Variants in PCCB observed in about 807,000 individuals in gnomAD.
The protein encoded by PCCB is propionyl-CoA carboxylase subunit beta.
Under a neutral mutation model 60.7 loss-of-function variants are expected in PCCB, and 43 were observed. The observed-to-expected ratio is 0.71, with a 90% CI of 0.55 to 0.91. PCCB has a LOEUF of 0.91. Ranked by LOEUF, PCCB falls within the 40% of genes least tolerant of loss-of-function variation. The pLI, the probability that PCCB is intolerant of heterozygous loss-of-function variation, is 0.00. For synonymous variants in PCCB, 276 were observed against 255.9 expected (o/e 1.08, Z -0.75); for missense variants, 766 against 702.8 (o/e 1.09, Z -1.02).
At chr3:136,259,309 A>T (rs1472001126) in intron 3 of PCCB, 1 of 446,908 alleles carries the variant, frequency 2.2e-6, no homozygotes, top group Non-Finnish European at 3.7e-6. Flanking sequence ...TAATAAAAAT[A>T]CAAAAATTAG....
At chr3:136,300,159 T>TA (rs1934206424) in intron 8 of PCCB, among the ~76,000 whole-genome samples, 1 of 133,178 alleles carries the variant, frequency 7.5e-6, no homozygotes, top group Non-Finnish European at 1.6e-5. Context: ...CACATACATA[T>TA]ATACACATAT....
chr3:136,283,887 C>T lies in PCCB; in HGVS notation c.594C>T (p.Gly198=). The change falls in exon 6 of 15, where the codon GGC becomes GGT. Residue 198 remains glycine (G), a synonymous_variant. Coordinates refer to ENST00000251654, the MANE Select transcript of PCCB (RefSeq NM_000532.5). ...TCCCTCAGATTTCTCTGATCATGGG[C>T]CCATGTGCTGGTGGGGCCGTCTACT... The part of the protein sequence containing the change: ...GVIPQISLIM[G]PCAGGAVYSP... 6.2e-7 allele frequency: 1 copy of T among 1,613,850 alleles called. No individual in the cohort carries two copies. Among genetic ancestry groups the T allele is most frequent in the South Asian group, 1.1e-5 (1 of 91,066 alleles).
At chr3:136,317,212 A>ATT (rs397694948) in intron 10 of PCCB, 148 bp downstream of exon 10, 6,856 of 254,228 alleles carry the variant, frequency 0.027, 107 homozygotes, top group East Asian at 0.056. Flanking sequence ...ATAAAAGCTA[A>ATT]TTTTTTTTTT....
At chr3:136,270,709 T>C (rs1217045769) in intron 5 of PCCB, among the ~76,000 whole-genome samples, 2 of 152,168 alleles carry the variant, frequency 1.3e-5, no homozygotes, top group Admixed American at 6.5e-5. Flanking sequence ...TTTCACCATA[T>C]TGGTCAGGCT....
intron 5 of PCCB, among the ~76,000 whole-genome samples, chr3:136,268,122 G>C (rs560080595): frequency 1.3e-5 from 1 of 74,862 alleles, no homozygotes; most frequent in Non-Finnish European, 2.6e-5. Flanking sequence ...ATATATATAT[G>C]TATATATATA....
intron 10 of PCCB, among the ~76,000 whole-genome samples, chr3:136,322,218 C>T (rs532781249): frequency 6.6e-6 from 1 of 152,092 alleles, no homozygotes; most frequent in Non-Finnish European, 1.5e-5. Flanking sequence ...TTCATATGAT[C>T]ATGTGATTTT....
At chr3:136,316,717 G>A (rs1047608226) in intron 9 of PCCB, among the ~76,000 whole-genome samples, 3 of 152,074 alleles carry the variant, frequency 2.0e-5, no homozygotes, top group Admixed American at 1.3e-4. Flanking sequence ...CTTCATTGGT[G>A]TGTCCATCTT....
At position 136,298,106 on chromosome 3, in the gene PCCB, T is replaced by C. The variant is rs778548154; in HGVS notation, c.884+34T>C. ...TAGGCCGGTGCACCTTCTCTCATTT[T>C]GCAGTGTAGCTTGCCTTTCTCTGCC... is the stretch of plus-strand genomic sequence containing the variant. On this transcript the variant is annotated intron_variant, in intron 8 of 14. Transcript: ENST00000251654. 9.0e-5 allele frequency: 145 copies of C among 1,613,740 alleles called. 1 individual carries two copies. Among genetic ancestry groups the C allele is most frequent in the Admixed American group, 1.2e-4 (7 of 59,996 alleles).
At chr3:136,276,324 C>T (rs1336472745) in intron 5 of PCCB, among the ~76,000 whole-genome samples, 1 of 152,136 alleles carries the variant, frequency 6.6e-6, no homozygotes, top group Non-Finnish European at 1.5e-5. Flanking sequence ...CAGAGAGGTT[C>T]CACCCTTGAT....
intron 12 of PCCB, 58 bp from the exon 13 acceptor site, chr3:136,327,576 T>C (rs998729327): frequency 1.5e-6 from 2 of 1,348,040 alleles, no homozygotes; most frequent in Non-Finnish European, 2.1e-6. Context: ...CTGGGGTCTT[T>C]CAGGGACATG....
In PCCB at chr3:136,255,718, G is replaced by T. The variant is rs189055241; in HGVS notation, c.184-138G>T. On this transcript the variant is annotated intron_variant, in intron 1 of 14. Coordinates refer to ENST00000251654, the MANE Select transcript of PCCB (RefSeq NM_000532.5). ...TACTAATAACACCTATCTGCCTTGG[G>T]CAGGTTGGATAGAATGAAAGTACTT... 20 of 785,938 alleles carry T rather than the reference G, an allele frequency of 2.5e-5. No individual in the cohort carries two copies. The East Asian group carries it at 4.9e-4, about 19-fold the overall frequency. 48.7% of individuals were successfully genotyped at this position (785,938 alleles called of 1,614,324 possible). A position where few individuals can be genotyped will look rare whatever the true frequency, so the allele number is the denominator to read the frequency against.
rs1559991835 is a variant in PCCB, at chr3:136,250,358, CG to C, written c.-17del. 2 of 1,496,790 alleles carry C rather than the reference CG, an allele frequency of 1.3e-6. No homozygotes were observed. Among genetic ancestry groups the C allele is most frequent in the African/African-American group, 2.8e-5 (2 of 71,746 alleles). 92.7% of individuals were successfully genotyped at this position (1,496,790 alleles called of 1,614,324 possible). A position where few individuals can be genotyped will look rare whatever the true frequency, so the allele number is the denominator to read the frequency against. Reference sequence around the variant, plus strand: ...CGTACTCAGGTGCGCCGGTAGGGGACGCGCCGGCACAGCAAAAATGGCGGCG... The same window carrying C: ...CGTACTCAGGTGCGCCGGTAGGGGACCGCCGGCACAGCAAAAATGGCGGCG... On this transcript the variant is annotated 5_prime_UTR_variant, in exon 1 of 15. Transcript: ENST00000251654.
At chr3:136,296,757 C>T (rs1158311850) in intron 7 of PCCB, among the ~76,000 whole-genome samples, 1 of 151,844 alleles carries the variant, frequency 6.6e-6, no homozygotes, top group African/African-American at 2.4e-5. Flanking sequence ...TCAACAAATA[C>T]TCATTTAGAA....
At chr3:136,260,588 C>T in intron 4 of PCCB, 53 bp downstream of exon 4, 5 of 1,403,722 alleles carry the variant, frequency 3.6e-6, no homozygotes, top group Non-Finnish European at 2.0e-6. Flanking sequence ...TTACATAGTG[C>T]TTATTGAGTA....
In PCCB at chr3:136,261,986, T is replaced by A. The variant is rs867341154; in HGVS notation, c.464T>A (p.Val155Glu). The A allele has an allele frequency of 6.4e-7, 1 of 1,561,276 alleles. No homozygotes were observed. Among genetic ancestry groups the A allele is most frequent in the Admixed American group, 1.9e-5 (1 of 51,784 alleles). Residue 155 changes from valine to glutamate, a missense_variant, in exon 5 of 15, where the codon GTG (valine) becomes GAG (glutamate). By Grantham distance (121) the Val-to-Glu change is moderately radical (BLOSUM62 -2). Transcript: ENST00000251654. The stretch of plus-strand genomic sequence containing the variant: ...CAGGCCATAACGGTGGGGGCTCCAG[T>A]GATTGGGCTGAATGACTCTGGGGGA... ...MDQAITVGAP[V>E]IGLNDSGGAR... is the part of the protein sequence containing the mutation.
chr3:136,329,804 T>C lies in PCCB; in HGVS notation c.1499-101T>C. 4 of 1,321,056 alleles carry C rather than the reference T, an allele frequency of 3.0e-6. No individual in the cohort carries two copies. The South Asian group carries it at 3.6e-5, about 12-fold the overall frequency. 81.8% of individuals were successfully genotyped at this position (1,321,056 alleles called of 1,614,324 possible). ...TCTGTATCAGGTTGGGCACTGCTTATACTGCTGGCCCCAGGGATGGTGCCC... is the reference window on the plus strand; with the variant it reads ...TCTGTATCAGGTTGGGCACTGCTTACACTGCTGGCCCCAGGGATGGTGCCC... On this transcript the variant is annotated intron_variant, in intron 14 of 14. Transcript: ENST00000251654.
At chr3:136,261,910 C>G (rs1941838381) in intron 4 of PCCB, 42 bp from the exon 5 acceptor site, 7 of 1,327,360 alleles carry the variant, frequency 5.3e-6, no homozygotes, top group Middle Eastern at 1.8e-4. Context: ...TTTTTTATAT[C>G]AAGAACATTT....
intron 10 of PCCB, among the ~76,000 whole-genome samples, chr3:136,317,547 T>A (rs1404451632): frequency 6.6e-6 from 1 of 152,118 alleles, no homozygotes; most frequent in African/African-American, 2.4e-5. Context: ...CTACTTTTAA[T>A]ATCTCAAAAT....
At chr3:136,256,714 C>T (rs1367482073) in intron 3 of PCCB, 91 bp downstream of exon 3, 2 of 914,232 alleles carry the variant, frequency 2.2e-6, no homozygotes, top group African/African-American at 3.2e-5. Context: ...GGAATGAAAA[C>T]TTGCTTGTAG....
Sources: allele counts gnomAD v4.1 joint callset (sites outside exome capture counted in the v4.1 genomes callset), GRCh38; gene constraint gnomAD v4.1.1; transcripts MANE v1.5; gene names NCBI Gene and HGNC (gene_info 2026-07-23, HGNC 2026-07-21).